CAMSAP1: variants seen among roughly 807,000 people sequenced by gnomAD.
CAMSAP1 encodes calmodulin-regulated spectrin-associated protein 1.
Under a neutral mutation model 143.5 loss-of-function variants are expected in CAMSAP1, and 58 were observed. The ratio of observed to expected loss-of-function variants is 0.40; its 90% CI spans 0.33 to 0.50. CAMSAP1 has a LOEUF of 0.50. Ranked by LOEUF, CAMSAP1 falls within the 20% of genes least tolerant of loss-of-function variation. The pLI, the probability that CAMSAP1 is intolerant of heterozygous loss-of-function variation, is 0.45. For synonymous variants in CAMSAP1, 945 were observed against 859.3 expected (o/e 1.10, Z -1.74); for missense variants, 1,969 against 2,115.7 (o/e 0.93, Z 1.36).
intron 7 of CAMSAP1, among the ~76,000 whole-genome samples, chr9:135,846,754 T>C (rs954062453): frequency 1.4e-5 from 2 of 142,368 alleles, no homozygotes; most frequent in Non-Finnish European, 3.0e-5. Context: ...AAAGAAGACA[T>C]ATATGCGGCC....
chr9:135,855,798 A>C (rs1304733758), intron 5 of CAMSAP1, among the ~76,000 whole-genome samples: 1 of 150,238 alleles, frequency 6.7e-6, no homozygotes, highest in Non-Finnish European at 1.5e-5. Flanking sequence ...CACGCCTGTA[A>C]TCCCAGCACT....
rs907446613 is a variant in CAMSAP1 at position 135,823,168 on chromosome 9, G to C, written c.1493C>G (p.Ser498Cys). 3.7e-6 allele frequency: 6 copies of C among 1,610,062 alleles called. No homozygotes were observed. Among genetic ancestry groups the C allele is most frequent in the Non-Finnish European group, 5.1e-6 (6 of 1,177,288 alleles). ...GGATGCCAAACTGTCTTTGCTGATGGAGCGGGCCAAGCTGATGCTGTCGCC... is the reference window on the plus strand; with the variant it reads ...GGATGCCAAACTGTCTTTGCTGATGCAGCGGGCCAAGCTGATGCTGTCGCC... ...SSGDSISLAR[S>C]ISKDSLASNI... Residue 498 changes from serine (S) to cysteine (C), a missense_variant, in exon 11 of 17, where the codon TCC (serine) becomes TGC (cysteine). Coordinates refer to ENST00000389532, the MANE Select transcript of CAMSAP1 (RefSeq NM_015447.4).
intron 7 of CAMSAP1, among the ~76,000 whole-genome samples, chr9:135,838,012 C>A (rs531198008): frequency 6.6e-6 from 1 of 150,738 alleles, no homozygotes; most frequent in African/African-American, 2.4e-5. Context: ...TACAGACACA[C>A]GTCATCACGC....
At chr9:135,847,845 G>A (rs1588469777) in intron 7 of CAMSAP1, among the ~76,000 whole-genome samples, 1 of 30,766 alleles carries the variant, frequency 3.3e-5, no homozygotes, top group Non-Finnish European at 6.1e-5. Flanking sequence ...AACAGGGAAG[G>A]GGAGGGGAGT....
At position 135,822,127 on chromosome 9, in the gene CAMSAP1, G is replaced by C; in HGVS notation, c.2534C>G (p.Ser845Cys). The change falls in exon 11 of 17, where the codon TCT becomes TGT. Residue 845 changes from serine to cysteine, a missense_variant. Physicochemically the swap from Ser to Cys is moderately radical, Grantham distance 112. Around this residue, in one of 4 missense-constraint regions of CAMSAP1, gnomAD observed 1,390 missense variants for 1,420.8 expected, o/e 0.98. Coordinates refer to ENST00000389532, the MANE Select transcript of CAMSAP1 (RefSeq NM_015447.4). The surrounding 1 kb of genome is among the most constrained non-coding windows in gnomAD (Gnocchi z 6.1). ...CGTCAGAGGGGCTGGGCAGCTCTCAGACGCATCTGGCGTGGTCTTCTGGGA... is the reference window on the plus strand; with the variant it reads ...CGTCAGAGGGGCTGGGCAGCTCTCACACGCATCTGGCGTGGTCTTCTGGGA... ...SSSQKTTPDA[S>C]ESCPAPLTTW... is the part of the protein sequence containing the mutation. The C allele has an allele frequency of 6.2e-7, 1 of 1,612,672 alleles. No individual in the cohort carries two copies. The highest frequency in any genetic ancestry group is 8.5e-7 in the Non-Finnish European group (1 of 1,179,814).
chr9:135,862,666 T>C (rs766412854), intron 4 of CAMSAP1, 58 bp from the exon 5 acceptor site: 34 of 1,513,188 alleles, frequency 2.2e-5, no homozygotes, highest in Non-Finnish European at 3.0e-5. Context: ...CTACCATATA[T>C]GTTACAGGCA....
chr9:135,846,028 A>C (rs1467624840), intron 7 of CAMSAP1, among the ~76,000 whole-genome samples: 3 of 138,166 alleles, frequency 2.2e-5, no homozygotes, highest in Non-Finnish European at 4.6e-5. Flanking sequence ...TTTAAATTTC[A>C]TATGGAACCA....
At chr9:135,896,728 A>G (rs921476635) in intron 1 of CAMSAP1, among the ~76,000 whole-genome samples, 1 of 152,248 alleles carries the variant, frequency 6.6e-6, no homozygotes, top group Non-Finnish European at 1.5e-5. Context: ...CTTGAAAATT[A>G]AAAGTTTGAA....
intron 16 of CAMSAP1, among the ~76,000 whole-genome samples, chr9:135,812,934 C>A (rs193227954): frequency 1.3e-5 from 2 of 149,268 alleles, no homozygotes; most frequent in Non-Finnish European, 1.5e-5. Context: ...CCAGTCTGGG[C>A]GACAGAGTGA....
intron 3 of CAMSAP1, among the ~76,000 whole-genome samples, chr9:135,879,056 T>A (rs1302614677): frequency 2.0e-5 from 3 of 152,100 alleles, no homozygotes; most frequent in Non-Finnish European, 4.4e-5. Flanking sequence ...ACTGTGAACG[T>A]GTCCAAAGCT....
chr9:135,907,135 C>A lies in CAMSAP1; in HGVS notation c.25G>T (p.Ala9Ser). 1 of 1,114,966 alleles carries A rather than the reference C, an allele frequency of 9.0e-7. No homozygotes were observed. Among genetic ancestry groups the A allele is most frequent in the Non-Finnish European group, 1.1e-6 (1 of 910,570 alleles). 69.1% of individuals were successfully genotyped at this position (1,114,966 alleles called of 1,614,324 possible). Reference sequence around the variant, plus strand: ...TCCATCTTCCTCCAGCCCTCGGCGGCGGCGCGGCCGCTCGCGTCCACCATC... The same window carrying A: ...TCCATCTTCCTCCAGCCCTCGGCGGAGGCGCGGCCGCTCGCGTCCACCATC... Reference protein sequence around the residue: MVDASGRAAAEGWRKMEAP... With the variant: MVDASGRASAEGWRKMEAP... The change falls in exon 1 of 17, where the codon GCC (alanine) becomes TCC (serine). Residue 9 changes from alanine to serine, a missense_variant. Ala to Ser is a moderately conservative substitution (Grantham distance 99). Coordinates refer to ENST00000389532, the MANE Select transcript of CAMSAP1 (RefSeq NM_015447.4).
chr9:135,866,336 A>G (rs1228266263), intron 4 of CAMSAP1, 120 bp downstream of exon 4: 21 of 632,682 alleles, frequency 3.3e-5, no homozygotes, highest in South Asian at 9.2e-5. Flanking sequence ...CCAAGAGACT[A>G]GCTGCTTCTT....
chr9:135,816,056 T>C, intron 14 of CAMSAP1, 51 bp from the exon 15 acceptor site: 2 of 1,550,700 alleles, frequency 1.3e-6, no homozygotes, highest in South Asian at 1.1e-5. Flanking sequence ...TGGCTTCCTC[T>C]CACCACTGCT....
chr9:135,901,440 C>T (rs776430189), intron 1 of CAMSAP1, among the ~76,000 whole-genome samples: 7 of 152,112 alleles, frequency 4.6e-5, no homozygotes, highest in Non-Finnish European at 8.8e-5. Flanking sequence ...TCCACCTCTA[C>T]AAAAAATAAT....
chr9:135,816,057 C>G, intron 14 of CAMSAP1, 52 bp from the exon 15 acceptor site: 1 of 1,551,774 alleles, frequency 6.4e-7, no homozygotes, highest in South Asian at 1.1e-5. Flanking sequence ...GGCTTCCTCT[C>G]ACCACTGCTG....
intron 3 of CAMSAP1, among the ~76,000 whole-genome samples, chr9:135,868,672 C>T (rs1034795573): frequency 8.0e-6 from 1 of 125,664 alleles, no homozygotes; most frequent in African/African-American, 3.1e-5. Flanking sequence ...GGCTGAAGTG[C>T]GGTGGCATGA....
In CAMSAP1 at chr9:135,823,250, G is replaced by C. The variant is rs777971658; in HGVS notation, c.1411C>G (p.Gln471Glu). The change falls in exon 11 of 17, where the codon CAG (glutamine) becomes GAG (glutamate). Residue 471 changes from glutamine (Q) to glutamate (E), a missense_variant. Gln to Glu is a conservative substitution (Grantham distance 29). Transcript: ENST00000389532. Reference sequence around the variant, plus strand: ...TGATGTAGAGCAAAAGGTGTTGGCTGGGACGCAGGCCTGAAACACAGGGAA... The same window carrying C: ...TGATGTAGAGCAAAAGGTGTTGGCTCGGACGCAGGCCTGAAACACAGGGAA... ...WPEKKTRPAS[Q>E]PTPFALHHAA... 1.9e-6 allele frequency: 3 copies of C among 1,548,800 alleles called. No individual in the cohort carries two copies. The highest frequency in any genetic ancestry group is 2.6e-6 in the Non-Finnish European group (3 of 1,146,624).
chr9:135,876,697 C>T (rs1837761378), intron 3 of CAMSAP1, among the ~76,000 whole-genome samples: 1 of 152,144 alleles, frequency 6.6e-6, no homozygotes, highest in Admixed American at 6.5e-5. Context: ...GATTCTACTC[C>T]TAAATTTTTA....
chr9:135,819,167 A>G (rs778402198), intron 11 of CAMSAP1, 21 bp from the exon 12 acceptor site: 1 of 1,589,728 alleles, frequency 6.3e-7, no homozygotes, highest in Non-Finnish European at 8.6e-7. Flanking sequence ...GAGGCCACAC[A>G]GAGCATGACA....
Sources: gnomAD v4.1 joint callset for allele counts (sites outside exome capture counted in the v4.1 genomes callset) on GRCh38, gnomAD v4.1.1 for gene constraint, gnomAD v4.1.1 regional missense constraint, Gnocchi (gnomAD v3.1) non-coding constraint, MANE v1.5 for transcripts, NCBI Gene and HGNC (gene_info 2026-07-23, HGNC 2026-07-21) for gene names.